The following RBFOX1 variants were observed in gnomAD, a reference collection of about 807,000 sequenced individuals.
The protein encoded by RBFOX1 is RNA binding protein fox-1 homolog 1.
RBFOX1 carries 8 observed loss-of-function variants against 57.7 expected under a neutral mutation model. That is an observed-to-expected ratio of 0.14 (90% CI 0.08 to 0.25). The LOEUF (loss-of-function observed/expected upper bound fraction) is 0.25. Among genes scored for constraint, RBFOX1 ranks in the 10% least tolerant of loss-of-function variants. The probability of loss-of-function intolerance (pLI) is 1.00; values close to 1 mark genes in which losing one functional copy is unlikely to be tolerated. For synonymous variants in RBFOX1, 326 were observed against 222.4 expected (o/e 1.47, Z -4.15); for missense variants, 611 against 548.5 (o/e 1.11, Z -1.14).
intron 2 of RBFOX1, among the ~76,000 whole-genome samples, chr16:5,483,149 T>C (rs1597247168): frequency 6.6e-6 from 1 of 152,326 alleles, no homozygotes; most frequent in East Asian, 1.9e-4. Flanking sequence ...GGGGTGGGGT[T>C]TGATGCAAAT....
intron 2 of RBFOX1, among the ~76,000 whole-genome samples, chr16:6,363,275 C>G (rs568269809): frequency 5.3e-5 from 8 of 152,186 alleles, no homozygotes; most frequent in South Asian, 2.1e-4. Context: ...ACCTGTTGTA[C>G]AACTCAATGG....
intron 4 of RBFOX1, among the ~76,000 whole-genome samples, chr16:7,463,803 T>G (rs1022125132): frequency 1.3e-5 from 2 of 152,194 alleles, no homozygotes; most frequent in African/African-American, 2.4e-5. Flanking sequence ...CGACAACAGC[T>G]GCTATTTTTT....
chr16:6,978,828 A>G (rs1270707770), intron 3 of RBFOX1, among the ~76,000 whole-genome samples: 2 of 152,184 alleles, frequency 1.3e-5, no homozygotes, highest in African/African-American at 2.4e-5. Flanking sequence ...CGGGTAACAA[A>G]TGCCTTCAAT....
chr16:7,514,711 T>C (rs764242954), intron 4 of RBFOX1, among the ~76,000 whole-genome samples: 12 of 151,984 alleles, frequency 7.9e-5, no homozygotes, highest in Non-Finnish European at 1.6e-4. Flanking sequence ...CTTGATGGGG[T>C]TGAGAGGATG....
intron 3 of RBFOX1, among the ~76,000 whole-genome samples, chr16:7,023,630 G>C (rs148947237): frequency 3.7e-5 from 5 of 136,916 alleles, no homozygotes; most frequent in Non-Finnish European, 7.6e-5. Context: ...TATAATTTCA[G>C]CACTGGGAAG....
At chr16:6,690,794 C>T (rs199620390) in intron 3 of RBFOX1, among the ~76,000 whole-genome samples, 2 of 146,930 alleles carry the variant, frequency 1.4e-5, no homozygotes, top group South Asian at 2.1e-4. Flanking sequence ...GTACCATGAG[C>T]CAAGAAAGGT....
intron 1 of RBFOX1, among the ~76,000 whole-genome samples, chr16:6,315,579 AGATG>A (rs895655381): frequency 2.0e-4 from 13 of 65,868 alleles, no homozygotes; most frequent in African/African-American, 5.2e-4. Flanking sequence ...ATGGATGGAT[AGATG>A]GATGGATGGA....
chr16:6,539,497 C>A (rs2096781726), intron 2 of RBFOX1, among the ~76,000 whole-genome samples: 1 of 152,050 alleles, frequency 6.6e-6, no homozygotes, highest in South Asian at 2.1e-4. Context: ...CAATATACTT[C>A]TTTAAAACAC....
At chr16:5,735,800 C>T (rs572570752) in intron 3 of RBFOX1, among the ~76,000 whole-genome samples, 86 of 152,152 alleles carry the variant, frequency 5.7e-4, no homozygotes, top group Non-Finnish European at 1.0e-3. Context: ...CGCTTGAACT[C>T]GGGAGGCGGA....
chr16:6,681,610 C>G (rs765832050), intron 3 of RBFOX1, among the ~76,000 whole-genome samples: 1 of 144,090 alleles, frequency 6.9e-6, no homozygotes, highest in South Asian at 2.2e-4. Context: ...AAGCCGTAAA[C>G]AAAGAAATAA....
At chr16:7,232,503 C>T (rs930027272) in intron 4 of RBFOX1, among the ~76,000 whole-genome samples, 1 of 152,052 alleles carries the variant, frequency 6.6e-6, no homozygotes, top group Non-Finnish European at 1.5e-5. Flanking sequence ...CACATATGCC[C>T]ACTTGTACCC....
intron 3 of RBFOX1, among the ~76,000 whole-genome samples, chr16:6,942,940 G>C (rs1048509606): frequency 6.6e-6 from 1 of 152,122 alleles, no homozygotes; most frequent in Non-Finnish European, 1.5e-5. Context: ...TTGGAGATTC[G>C]ACATCACCAT....
At chr16:6,185,184 A>T (rs2097097177) in intron 1 of RBFOX1, among the ~76,000 whole-genome samples, 1 of 152,142 alleles carries the variant, frequency 6.6e-6, no homozygotes, top group Admixed American at 6.5e-5. Flanking sequence ...AGGCTCTAAT[A>T]TATTCAACAT....
chr16:6,566,987 G>C (rs1257159301), intron 2 of RBFOX1, among the ~76,000 whole-genome samples: 3 of 152,162 alleles, frequency 2.0e-5, no homozygotes, highest in Admixed American at 6.5e-5. Flanking sequence ...ACCTGTCCCA[G>C]CTTAAATTGT....
intron 1 of RBFOX1, among the ~76,000 whole-genome samples, chr16:6,191,159 C>T (rs1382578875): frequency 7.1e-6 from 1 of 140,916 alleles, no homozygotes; most frequent in Non-Finnish European, 1.5e-5. Flanking sequence ...TCATCTGATA[C>T]AGGCATGAGT....
intron 4 of RBFOX1, among the ~76,000 whole-genome samples, chr16:7,195,719 A>T (rs1333178523): frequency 6.6e-6 from 1 of 151,906 alleles, no homozygotes; most frequent in Non-Finnish European, 1.5e-5. Context: ...CACTTGGCTA[A>T]TTTTTGTATT....
chr16:6,531,099 G>C (rs1052342199), intron 2 of RBFOX1, among the ~76,000 whole-genome samples: 3 of 152,164 alleles, frequency 2.0e-5, no homozygotes, highest in African/African-American at 7.2e-5. Context: ...CTGCATGAGT[G>C]ACAGTCAAGT....
intron 4 of RBFOX1, among the ~76,000 whole-genome samples, chr16:7,111,998 C>T (rs1200742336): frequency 6.6e-6 from 1 of 151,892 alleles, no homozygotes; most frequent in Non-Finnish European, 1.5e-5. Flanking sequence ...TACAGTTTGG[C>T]CTATACAGAT....
At chr16:6,540,627 A>C (rs893796222) in intron 2 of RBFOX1, among the ~76,000 whole-genome samples, 13 of 151,726 alleles carry the variant, frequency 8.6e-5, no homozygotes, top group Admixed American at 7.9e-4. Flanking sequence ...AAAAAAAAAA[A>C]AAAAAAAAAA....
Sources: allele counts gnomAD v4.1 joint callset (sites outside exome capture counted in the v4.1 genomes callset), GRCh38; gene constraint gnomAD v4.1.1; transcripts MANE v1.5; gene names NCBI Gene and HGNC (gene_info 2026-07-23, HGNC 2026-07-21).